The following TOX2 variants were observed in gnomAD, a reference collection of about 807,000 sequenced individuals.
TOX2 encodes the protein granulosa cell HMG box 1.
Under a neutral mutation model 47.4 loss-of-function variants are expected in TOX2, and 15 were observed. The observed-to-expected ratio is 0.32, with a 90% CI of 0.21 to 0.49. The LOEUF is 0.49. Ranked by LOEUF, TOX2 falls within the 20% of genes least tolerant of loss-of-function variation. The probability of loss-of-function intolerance (pLI) is 0.99; values close to 1 mark genes in which losing one functional copy is unlikely to be tolerated. For synonymous variants in TOX2, 290 were observed against 296.6 expected (o/e 0.98, Z 0.23); for missense variants, 622 against 673.1 (o/e 0.92, Z 0.84).
intron 1 of TOX2, among the ~76,000 whole-genome samples, chr20:43,957,862 G>A (rs779337331): frequency 4.6e-5 from 7 of 152,170 alleles, no homozygotes; most frequent in Non-Finnish European, 1.0e-4. Context: ...CAGCAGGAGA[G>A]ACAGAGCAAG....
intron 2 of TOX2, among the ~76,000 whole-genome samples, chr20:43,973,757 G>T (rs943600004): frequency 6.6e-6 from 1 of 152,166 alleles, no homozygotes; most frequent in Non-Finnish European, 1.5e-5. Flanking sequence ...CTCTGGTGCC[G>T]CCTGCCTCTT....
At chr20:43,972,468 A>C (rs1317016321) in intron 1 of TOX2, among the ~76,000 whole-genome samples, 1 of 152,182 alleles carries the variant, frequency 6.6e-6, no homozygotes, top group East Asian at 1.9e-4. Context: ...CCCTTGCCTC[A>C]GGCTCTCCTT....
chr20:43,973,496 C>T (rs941086270), intron 2 of TOX2, 64 bp downstream of exon 2: 2 of 1,514,900 alleles, frequency 1.3e-6, no homozygotes, highest in Middle Eastern at 3.9e-4. Context: ...CTGAGCTGTT[C>T]CTGGGTGGAG....
intron 1 of TOX2, 83 bp from the exon 2 acceptor site, chr20:43,973,284 C>G (rs1226076850): frequency 3.6e-6 from 5 of 1,392,614 alleles, no homozygotes; most frequent in Non-Finnish European, 5.1e-6. Context: ...CAGTCAGTCC[C>G]CTGCCCTCCT....
chr20:43,957,194 G>T (rs2069682825), intron 1 of TOX2, among the ~76,000 whole-genome samples: 1 of 152,182 alleles, frequency 6.6e-6, no homozygotes, highest in Non-Finnish European at 1.5e-5. Context: ...GACTTTTTAT[G>T]TTTAACTCTT....
At chr20:44,032,311 C>T (rs1271676421) in intron 3 of TOX2, among the ~76,000 whole-genome samples, 1 of 152,226 alleles carries the variant, frequency 6.6e-6, no homozygotes, top group Non-Finnish European at 1.5e-5. Flanking sequence ...TGCGGGGCTG[C>T]CCTGTGCATT....
intron 3 of TOX2, among the ~76,000 whole-genome samples, chr20:44,017,558 G>T (rs2070901505): frequency 6.6e-6 from 1 of 152,158 alleles, no homozygotes; most frequent in Non-Finnish European, 1.5e-5. Flanking sequence ...GCTTCACCTT[G>T]GCCTTTGGAG....
intron 1 of TOX2, among the ~76,000 whole-genome samples, chr20:43,927,626 T>TCCCCTTCCCTTCC (rs1600653248): frequency 6.6e-4 from 4 of 6,084 alleles, no homozygotes; most frequent in Admixed American, 1.6e-3. Flanking sequence ...CCTTCCTTCC[T>TCCCCTTCCCTTCC]CCTTCCTTCC....
chr20:43,991,601 G>A (rs2070368930), intron 2 of TOX2, among the ~76,000 whole-genome samples: 1 of 148,662 alleles, frequency 6.7e-6, no homozygotes, highest in Non-Finnish European at 1.5e-5. Context: ...TAGTGAAGGG[G>A]ACAGGCAATA....
At chr20:43,976,780 G>GCACA (rs1555835285) in intron 2 of TOX2, among the ~76,000 whole-genome samples, 4 of 125,466 alleles carry the variant, frequency 3.2e-5, no homozygotes, top group Admixed American at 8.4e-5. Context: ...GCGAGCGCGC[G>GCACA]CGCACACACA....
intron 3 of TOX2, among the ~76,000 whole-genome samples, chr20:44,027,793 C>T (rs2071088819): frequency 6.6e-6 from 1 of 152,146 alleles, no homozygotes. Flanking sequence ...CAGTGGGGAG[C>T]AGGACAAGCA....
intron 1 of TOX2, among the ~76,000 whole-genome samples, chr20:43,946,781 T>G (rs2145367166): frequency 6.6e-6 from 1 of 152,190 alleles, no homozygotes; most frequent in East Asian, 1.9e-4. Flanking sequence ...ATCCCAGCTG[T>G]GCCTGGGAGG....
At chr20:43,997,289 A>AC (rs2070497827) in intron 2 of TOX2, among the ~76,000 whole-genome samples, 1 of 152,220 alleles carries the variant, frequency 6.6e-6, no homozygotes, top group South Asian at 2.1e-4. Flanking sequence ...TAAATACCTA[A>AC]CAACATAGCT....
chr20:43,984,114 A>G (rs954022409), intron 2 of TOX2, among the ~76,000 whole-genome samples: 4 of 152,190 alleles, frequency 2.6e-5, no homozygotes, highest in Non-Finnish European at 4.4e-5. Context: ...GGAGAAGGTA[A>G]CAGCGGTGAT....
Position 43,915,098 on chromosome 20 carries a change from C to G in TOX2, c.99+108C>G, listed in dbSNP as rs886646654. The G allele has an allele frequency of 1.1e-5, 6 of 549,462 alleles. No individual in the cohort carries two copies. The highest frequency in any genetic ancestry group is 5.9e-5 in the Admixed American group (1 of 17,086). The allele number at this position is 549,462 out of a possible 1,614,324, so 34.0% of individuals were successfully genotyped here. A position where few individuals can be genotyped will look rare whatever the true frequency, so the allele number is the denominator to read the frequency against. ...ACGGGGCCGCGCACATCAGCCCCGC[C>G]GACGGGCACGGGCGGCTCACATCGA... On this transcript the variant is annotated intron_variant, in intron 1 of 8. Coordinates refer to ENST00000341197, the MANE Select transcript of TOX2 (RefSeq NM_001098797.2). This position sits in a 1 kb window ranked among gnomAD's most constrained non-coding sequence, Gnocchi z 7.1.
intron 1 of TOX2, among the ~76,000 whole-genome samples, chr20:43,943,099 A>C (rs1402978457): frequency 6.6e-6 from 1 of 151,982 alleles, no homozygotes; most frequent in Non-Finnish European, 1.5e-5. Flanking sequence ...TCAGTCATCC[A>C]ACCTGCCAGG....
At chr20:44,038,059 A>G (rs2145709450) in intron 3 of TOX2, among the ~76,000 whole-genome samples, 1 of 152,258 alleles carries the variant, frequency 6.6e-6, no homozygotes, top group South Asian at 2.1e-4. Context: ...AACTGGAATA[A>G]AGGTCACTCT....
At chr20:43,935,678 C>T (rs1006715033) in intron 1 of TOX2, among the ~76,000 whole-genome samples, 4 of 151,928 alleles carry the variant, frequency 2.6e-5, no homozygotes, top group South Asian at 2.1e-4. Flanking sequence ...GTAATCCCAG[C>T]GCTTTGGGAG....
intron 3 of TOX2, among the ~76,000 whole-genome samples, chr20:44,049,009 T>G (rs1405189690): frequency 6.6e-6 from 1 of 152,198 alleles, no homozygotes; most frequent in Non-Finnish European, 1.5e-5. Context: ...GGCATGATGG[T>G]GCCACCTGTT....
Sources: gnomAD v4.1 joint callset for allele counts (sites outside exome capture counted in the v4.1 genomes callset) on GRCh38, gnomAD v4.1.1 for gene constraint, Gnocchi (gnomAD v3.1) non-coding constraint, MANE v1.5 for transcripts, NCBI Gene and HGNC (gene_info 2026-07-23, HGNC 2026-07-21) for gene names.